Variants in CAMTA1 observed in about 807,000 individuals in gnomAD.
The protein encoded by CAMTA1 is calmodulin binding transcription activator 1, also known as calmodulin-binding transcription activator 1.
CAMTA1 carries 27 observed loss-of-function variants against 170.9 expected under a neutral mutation model. The observed-to-expected ratio is 0.16, with a 90% CI of 0.12 to 0.22. The LOEUF (loss-of-function observed/expected upper bound fraction) is 0.22. Among genes scored for constraint, CAMTA1 ranks in the 10% least tolerant of loss-of-function variants. The pLI is 1.00. For missense variants in CAMTA1, 1,619 were observed against 2,217.2 expected (o/e 0.73, Z 5.42); for synonymous variants, 833 against 891.5 (o/e 0.93, Z 1.17).
chr1:7,730,399 C>T (rs2096722805), intron 11 of CAMTA1, among the ~76,000 whole-genome samples: 2 of 152,286 alleles, frequency 1.3e-5, no homozygotes, highest in Middle Eastern at 3.4e-3. Flanking sequence ...TACCAGGCCT[C>T]AGTTCTGGAC....
At chr1:7,493,664 G>A (rs571775086) in intron 6 of CAMTA1, among the ~76,000 whole-genome samples, 21 of 151,328 alleles carry the variant, frequency 1.4e-4, no homozygotes, top group African/African-American at 4.9e-4. Context: ...GGGGGTCAGC[G>A]GAAGAGTTTG....
At chr1:7,061,842 G>A (rs1035352764) in intron 3 of CAMTA1, among the ~76,000 whole-genome samples, 2 of 152,116 alleles carry the variant, frequency 1.3e-5, no homozygotes, top group Non-Finnish European at 2.9e-5. Context: ...GACTCCCTTG[G>A]GGCTGGTGTT....
chr1:6,871,683 G>C, intron 3 of CAMTA1: 2 of 1,313,258 alleles, frequency 1.5e-6, no homozygotes, highest in Non-Finnish European at 2.1e-6. Flanking sequence ...AGTTACAGTG[G>C]AATCTTTTCA....
intron 3 of CAMTA1, among the ~76,000 whole-genome samples, chr1:6,890,893 CT>C (rs1381097508): frequency 6.6e-6 from 1 of 152,196 alleles, no homozygotes; most frequent in African/African-American, 2.4e-5. Flanking sequence ...ATTCTGTACT[CT>C]TTAGGCAGAC....
intron 3 of CAMTA1, among the ~76,000 whole-genome samples, chr1:6,924,317 ATCAGGCCAGCTGGGAGGGGG>A (rs200682529): frequency 0.097 from 14,722 of 151,330 alleles, 968 homozygotes; most frequent in East Asian, 0.23. Flanking sequence ...CTGGGAGGGG[ATCAGGCCAGCTGGGAGGGGG>A]TCAGGCCAGC....
intron 6 of CAMTA1, among the ~76,000 whole-genome samples, chr1:7,529,294 T>C (rs1490529684): frequency 1.3e-5 from 2 of 152,004 alleles, no homozygotes; most frequent in Non-Finnish European, 2.9e-5. Context: ...CTCCACCTGC[T>C]TCTCTGCATG....
At chr1:7,244,887 T>C (rs1208949721) in intron 4 of CAMTA1, among the ~76,000 whole-genome samples, 1 of 151,588 alleles carries the variant, frequency 6.6e-6, no homozygotes, top group Non-Finnish European at 1.5e-5. Context: ...AAGCTTAAAG[T>C]ATAATAATAA....
intron 5 of CAMTA1, among the ~76,000 whole-genome samples, chr1:7,410,483 A>G (rs568263820): frequency 6.6e-6 from 1 of 152,372 alleles, no homozygotes; most frequent in Admixed American, 6.5e-5. Flanking sequence ...TGAACAGGCC[A>G]GACCACAATT....
chr1:6,902,072 C>CACACACACACACAAAAA (rs3986505), intron 3 of CAMTA1, among the ~76,000 whole-genome samples: 1 of 88,472 alleles, frequency 1.1e-5, no homozygotes, highest in African/African-American at 3.6e-5. Flanking sequence ...CACACACACA[C>CACACACACACACAAAAA]AAAAAAAAAA....
intron 5 of CAMTA1, among the ~76,000 whole-genome samples, chr1:7,465,419 A>T (rs933915413): frequency 4.0e-5 from 6 of 151,750 alleles, no homozygotes; most frequent in African/African-American, 1.5e-4. Flanking sequence ...ATCCTTGCCT[A>T]TTGGGGATCT....
intron 5 of CAMTA1, among the ~76,000 whole-genome samples, chr1:7,363,115 A>G (rs1023965052): frequency 1.3e-5 from 2 of 152,226 alleles, no homozygotes; most frequent in African/African-American, 4.8e-5. Flanking sequence ...GAAACGTGAG[A>G]GAGTGAGTAG....
chr1:6,815,359 C>G (rs1292515799), intron 1 of CAMTA1, among the ~76,000 whole-genome samples: 1 of 152,096 alleles, frequency 6.6e-6, no homozygotes, highest in African/African-American at 2.4e-5. Flanking sequence ...CACACAGTAC[C>G]ACACCTGGCT....
intron 1 of CAMTA1, among the ~76,000 whole-genome samples, chr1:6,786,141 C>T (rs1214654305): frequency 6.6e-6 from 1 of 151,842 alleles, no homozygotes; most frequent in Non-Finnish European, 1.5e-5. Flanking sequence ...CCTCTTCAGC[C>T]CCGTGGACAC....
chr1:6,833,655 C>CA (rs1651511233), intron 3 of CAMTA1, among the ~76,000 whole-genome samples: 1 of 152,120 alleles, frequency 6.6e-6, no homozygotes, highest in South Asian at 2.1e-4. Context: ...AGCCTTGGCA[C>CA]AAATACATCA....
At chr1:7,033,916 C>T (rs1703176912) in intron 3 of CAMTA1, among the ~76,000 whole-genome samples, 2 of 151,550 alleles carry the variant, frequency 1.3e-5, no homozygotes, top group Admixed American at 6.6e-5. Flanking sequence ...TATTCTTGAG[C>T]ATTGTTCTGG....
At chr1:6,885,679 C>A (rs1673010306) in intron 3 of CAMTA1, among the ~76,000 whole-genome samples, 1 of 152,148 alleles carries the variant, frequency 6.6e-6, no homozygotes, top group South Asian at 2.1e-4. Context: ...ATAAAGTATT[C>A]ATTAACTTGA....
chr1:7,743,091 G>A (rs969032833), intron 16 of CAMTA1, among the ~76,000 whole-genome samples: 2 of 152,140 alleles, frequency 1.3e-5, no homozygotes, highest in Non-Finnish European at 2.9e-5. Flanking sequence ...GAGCTCAGGC[G>A]ATCCACCCGC....
intron 5 of CAMTA1, among the ~76,000 whole-genome samples, chr1:7,367,052 A>G (rs1021289319): frequency 1.3e-4 from 20 of 152,128 alleles, no homozygotes; most frequent in African/African-American, 4.8e-4. Flanking sequence ...TCCTGCTGAC[A>G]GGAGCTTTCT....
chr1:7,643,752 C>A (rs539771735), intron 7 of CAMTA1, among the ~76,000 whole-genome samples: 5 of 152,364 alleles, frequency 3.3e-5, no homozygotes, highest in African/African-American at 1.2e-4. Flanking sequence ...GAAGCAGAGC[C>A]GCACACAATT....
Sources: allele counts gnomAD v4.1 joint callset (sites outside exome capture counted in the v4.1 genomes callset), GRCh38; gene constraint gnomAD v4.1.1; transcripts MANE v1.5; gene names NCBI Gene and HGNC (gene_info 2026-07-23, HGNC 2026-07-21).